Variants in RALYL observed in about 807,000 individuals in gnomAD.
RALYL encodes the protein RALY RNA binding protein like.
In RALYL, 29 loss-of-function variants were observed where a neutral mutation model predicts 35.1. The observed-to-expected ratio is 0.83, with a 90% CI of 0.61 to 1.13. The LOEUF (loss-of-function observed/expected upper bound fraction) is 1.13, where lower values mean the gene tolerates loss of function less well. Among genes scored for constraint, RALYL ranks in the 50% most tolerant of loss-of-function variants. RALYL has a pLI of 0.00. For missense variants in RALYL, 359 were observed against 360.4 expected, an observed-to-expected ratio of 1.00 and a Z score of 0.03; for synonymous variants, 120 against 127.6, an observed-to-expected ratio of 0.94 and a Z score of 0.40.
chr8:84,244,850 G>A (rs779580585), intron 1 of RALYL, among the ~76,000 whole-genome samples: 3 of 152,124 alleles, frequency 2.0e-5, no homozygotes, highest in Non-Finnish European at 4.4e-5. Context: ...TTGTGAAGAT[G>A]GTGAAGGGTC....
At chr8:84,641,885 T>G (rs1308045341) in intron 2 of RALYL, among the ~76,000 whole-genome samples, 1 of 151,702 alleles carries the variant, frequency 6.6e-6, no homozygotes, top group Admixed American at 6.6e-5. Flanking sequence ...CCTTAAACAT[T>G]TAGCAAAGGC....
In RALYL at chr8:84,423,385, T is replaced by C. The variant is rs1473566685; in HGVS notation, c.-23-105914T>C. ...TAGGATTGCAACCCCTGCCTTTTTT[T>C]GTTTTCCATTTGCTTGGTAGATCTT... is the stretch of plus-strand genomic sequence containing the variant. On this transcript the variant is annotated intron_variant, in intron 1 of 8. Coordinates refer to ENST00000521268, the MANE Select transcript of RALYL (RefSeq NM_173848.7). Among the ~76,000 whole-genome samples, 589 of 150,942 alleles carry C rather than the reference T, an allele frequency of 3.9e-3. 6 individuals carry two copies. The highest frequency in any genetic ancestry group is 0.014 in the African/African-American group (564 of 40,664).
chr8:84,546,820 G>T (rs1441911770), intron 2 of RALYL, among the ~76,000 whole-genome samples: 15 of 152,092 alleles, frequency 9.9e-5, no homozygotes, highest in Admixed American at 2.0e-4. Context: ...GCTCTTGAAT[G>T]ACTTTATTTC....
intron 1 of RALYL, among the ~76,000 whole-genome samples, chr8:84,356,659 G>C (rs946795879): frequency 2.7e-5 from 4 of 150,244 alleles, no homozygotes; most frequent in African/African-American, 5.0e-5. Context: ...GTTTAGAAAA[G>C]GGGAAAGAGA....
rs2058955683 is a variant in RALYL at position 84,527,060 on chromosome 8, A to C, written c.-23-2239A>C. 2.0e-5 allele frequency among the ~76,000 whole-genome samples: 3 copies of C among 152,204 alleles called. No individual in the cohort carries two copies. In the South Asian group the frequency reaches 6.2e-4, roughly 32 times the overall value. ...ATATTAAACTATGAATTGAGGCCTA[A>C]CTTTTAGAGAATGTTGAAATGACAG... is the stretch of plus-strand genomic sequence containing the variant. On this transcript the variant is annotated intron_variant, in intron 1 of 8. Transcript: ENST00000521268.
intron 1 of RALYL, among the ~76,000 whole-genome samples, chr8:84,310,213 T>G (rs542518535): frequency 6.6e-6 from 1 of 151,978 alleles, no homozygotes; most frequent in East Asian, 2.0e-4. Context: ...TGGCTAATTT[T>G]TGTATTTTTG....
intron 1 of RALYL, among the ~76,000 whole-genome samples, chr8:84,493,317 T>C (rs2055564434): frequency 6.6e-6 from 1 of 152,198 alleles, no homozygotes; most frequent in African/African-American, 2.4e-5. Context: ...AGTCTATTAT[T>C]GATGGTCATT....
chr8:84,801,798 A>G (rs1162805223), intron 3 of RALYL, among the ~76,000 whole-genome samples: 1 of 152,198 alleles, frequency 6.6e-6, no homozygotes, highest in African/African-American at 2.4e-5. Flanking sequence ...TGAAGATCTT[A>G]AAAGTTTGGG....
At position 84,212,966 on chromosome 8, in the gene RALYL, A is replaced by AT. The variant is rs567038026; in HGVS notation, c.-24+28548dup. Among the ~76,000 whole-genome samples the AT allele has an allele frequency of 8.5e-4, 129 of 152,268 alleles. 1 individual carries two copies. Among genetic ancestry groups the AT allele is most frequent in the African/African-American group, 2.7e-3 (114 of 41,564 alleles). ...TACATAAATGTACCAAACAAATGAG[A>AT]TTTTTTGAATCATTAGAAATTATTC... On this transcript the variant is annotated intron_variant, in intron 1 of 8. Coordinates refer to ENST00000521268, the MANE Select transcript of RALYL (RefSeq NM_173848.7).
At chr8:84,430,759 A>C (rs532791379) in intron 1 of RALYL, among the ~76,000 whole-genome samples, 4 of 152,258 alleles carry the variant, frequency 2.6e-5, no homozygotes, top group African/African-American at 9.6e-5. Context: ...TATATGAATA[A>C]AAATATGTAA....
At chr8:84,407,012 C>G (rs2043575523) in intron 1 of RALYL, among the ~76,000 whole-genome samples, 1 of 142,862 alleles carries the variant, frequency 7.0e-6, no homozygotes, top group Non-Finnish European at 1.5e-5. Flanking sequence ...CTCTCTCTCT[C>G]TCTCTCTATA....
intron 1 of RALYL, among the ~76,000 whole-genome samples, chr8:84,449,331 C>T (rs1398713062): frequency 6.6e-6 from 1 of 151,894 alleles, no homozygotes; most frequent in East Asian, 1.9e-4. Context: ...GCAGGAAGAG[C>T]AGGGATGTCA....
At chr8:84,307,774 A>G (rs1381132284) in intron 1 of RALYL, among the ~76,000 whole-genome samples, 1 of 152,182 alleles carries the variant, frequency 6.6e-6, no homozygotes, top group Non-Finnish European at 1.5e-5. Context: ...CAGGGCACAA[A>G]TTGAGACACA....
At chr8:84,670,587 G>A (rs1024378576) in intron 2 of RALYL, among the ~76,000 whole-genome samples, 19 of 152,218 alleles carry the variant, frequency 1.2e-4, no homozygotes, top group African/African-American at 4.6e-4. Flanking sequence ...CACAATCATG[G>A]TGGAAGGTGA....
intron 8 of RALYL, among the ~76,000 whole-genome samples, chr8:84,898,663 T>C (rs1845160232): frequency 6.6e-6 from 1 of 152,188 alleles, no homozygotes; most frequent in African/African-American, 2.4e-5. Context: ...TATAACTAAA[T>C]GCTGGCAAGG....
chr8:84,262,567 C>T lies in RALYL; in HGVS notation c.-24+78143C>T, dbSNP rs910500653. Among the ~76,000 whole-genome samples, 7 of 152,176 alleles carry T rather than the reference C, an allele frequency of 4.6e-5. No individual in the cohort carries two copies. The East Asian group carries it at 1.2e-3, about 25-fold the overall frequency. On this transcript the variant is annotated intron_variant, in intron 1 of 8. Transcript: ENST00000521268. ...GATAATACATTTACATATAATTTAA[C>T]AAATTGTCCTATCCTGTTCTGTAAA...
intron 2 of RALYL, among the ~76,000 whole-genome samples, chr8:84,652,878 A>G (rs997247380): frequency 6.6e-6 from 1 of 152,118 alleles, no homozygotes; most frequent in Non-Finnish European, 1.5e-5. Flanking sequence ...ACTCTAGACC[A>G]CACTAAGAAA....
At chr8:84,291,440 T>C (rs910319332) in intron 1 of RALYL, among the ~76,000 whole-genome samples, 2 of 152,178 alleles carry the variant, frequency 1.3e-5, no homozygotes, top group African/African-American at 4.8e-5. Flanking sequence ...ATCTTAAAAA[T>C]TCTTTGTACA....
chr8:84,666,533 A>G (rs1255245282), intron 2 of RALYL, among the ~76,000 whole-genome samples: 1 of 152,092 alleles, frequency 6.6e-6, no homozygotes, highest in Non-Finnish European at 1.5e-5. Flanking sequence ...CTGGCCCCGC[A>G]TTTGTGCCAA....
Sources: allele counts gnomAD v4.1 joint callset (sites outside exome capture counted in the v4.1 genomes callset), GRCh38; gene constraint gnomAD v4.1.1; transcripts MANE v1.5; gene names NCBI Gene and HGNC (gene_info 2026-07-23, HGNC 2026-07-21).